The following GCN1 variants were observed in gnomAD, a reference collection of about 807,000 sequenced individuals.
GCN1 encodes the protein GCN1 activator of EIF2AK4, also known as stalled ribosome sensor GCN1.
In GCN1, 90 loss-of-function variants were observed where a neutral mutation model predicts 288.4. The observed-to-expected ratio is 0.31, with a 90% CI of 0.26 to 0.37. The LOEUF (loss-of-function observed/expected upper bound fraction) is 0.37. Ranked by LOEUF, GCN1 falls within the 10% of genes least tolerant of loss-of-function variation. The probability of loss-of-function intolerance (pLI) is 1.00; values close to 1 mark genes in which losing one functional copy is unlikely to be tolerated. For synonymous variants in GCN1, 1,386 were observed against 1,420.2 expected (o/e 0.98, Z 0.54); for missense variants, 2,586 against 3,419.9 (o/e 0.76, Z 6.08).
chr12:120,130,639 C>G lies in GCN1; in HGVS notation c.7671+7G>C. On this transcript the variant is annotated splice_region_variant and intron_variant, in intron 56 of 57. Coordinates refer to ENST00000300648, the MANE Select transcript of GCN1 (RefSeq NM_006836.2). The stretch of plus-strand genomic sequence containing the variant: ...AGGGCTTAAACACATGCTTGGCCCC[C>G]ACTCACCTTAACGAACAGGCTGGAA... 1 of 1,589,428 alleles carries G rather than the reference C, an allele frequency of 6.3e-7. No individual in the cohort carries two copies. The highest frequency in any genetic ancestry group is 8.6e-7 in the Non-Finnish European group (1 of 1,157,584).
At position 120,173,886 on chromosome 12, in the gene GCN1, CA is replaced by C. The variant is rs1878387297; in HGVS notation, c.1193-61del. On this transcript the variant is annotated intron_variant, in intron 13 of 57. Transcript: ENST00000300648. ...GTCTTATAACCATGTCAAATCATTG[CA>C]AGCAGTGCAAAAAACAAGCCAGAGT... is the stretch of plus-strand genomic sequence containing the variant. The C allele has an allele frequency of 4.9e-6, 7 of 1,436,518 alleles. No individual in the cohort carries two copies. In the East Asian group the frequency reaches 1.4e-4, roughly 28 times the overall value. 89.0% of individuals were successfully genotyped at this position (1,436,518 alleles called of 1,614,324 possible).
intron 9 of GCN1, 32 bp downstream of exon 9, chr12:120,177,415 C>T (rs763426769): frequency 1.8e-6 from 2 of 1,100,276 alleles, no homozygotes; most frequent in African/African-American, 1.5e-5. Context: ...CAACTCATCT[C>T]CCTCCCACCA....
chr12:120,152,960 T>TA (rs147790199), intron 33 of GCN1, among the ~76,000 whole-genome samples: 3,774 of 152,092 alleles, frequency 0.025, 160 homozygotes, highest in African/African-American at 0.085. Context: ...TTCTTCACTA[T>TA]AAACCAGGTG....
chr12:120,159,011 C>CAA (rs56356587), intron 24 of GCN1, among the ~76,000 whole-genome samples: 10 of 114,024 alleles, frequency 8.8e-5, no homozygotes, highest in Non-Finnish European at 9.5e-5. Flanking sequence ...GACTCCGTCT[C>CAA]AAAAAAAAAA....
At position 120,156,361 on chromosome 12, in the gene GCN1, C is replaced by G. The variant is rs1462272650; in HGVS notation, c.3312+100G>C. The G allele has an allele frequency of 5.7e-6, 7 of 1,222,672 alleles. No individual in the cohort carries two copies. In the East Asian group the frequency reaches 1.7e-4, roughly 29 times the overall value. The allele number at this position is 1,222,672 out of a possible 1,614,324, so 75.7% of individuals were successfully genotyped here. ...CTTCTTCTCTTTGCCTCTAGGCCTC[C>G]CACCAGAGTGAGGGACATTCTCTCA... On this transcript the variant is annotated intron_variant, in intron 28 of 57. Transcript: ENST00000300648. The surrounding 1 kb of genome is among the most constrained non-coding windows in gnomAD (Gnocchi z 5.8).
chr12:120,181,082 G>C (rs1878641925), intron 5 of GCN1, among the ~76,000 whole-genome samples: 1 of 151,984 alleles, frequency 6.6e-6, no homozygotes, highest in Admixed American at 6.6e-5. Flanking sequence ...TATACAAAAT[G>C]GCATATGTAC....
In GCN1 at chr12:120,176,118, G is replaced by C. The variant is rs115665904; in HGVS notation, c.913+25C>G. 5.8e-4 allele frequency: 890 copies of C among 1,543,064 alleles called. 5 individuals carry two copies. In the African/African-American group the frequency reaches 0.011, roughly 19 times the overall value. ...ACCAAACCCAAGGTGACACTTATGG[G>C]CTGGAGAGGGGCTGGGATACTCACC... On this transcript the variant is annotated intron_variant, in intron 10 of 57. Transcript: ENST00000300648.
intron 34 of GCN1, among the ~76,000 whole-genome samples, chr12:120,150,781 C>T (rs1363783173): frequency 1.3e-5 from 2 of 151,202 alleles, no homozygotes; most frequent in African/African-American, 4.9e-5. Flanking sequence ...ACTAAAAATA[C>T]AAAAAATTAG....
chr12:120,153,885 G>C lies in GCN1; in HGVS notation c.3726C>G (p.Asn1242Lys), dbSNP rs200153278. The C allele has an allele frequency of 2.1e-4, 344 of 1,613,902 alleles. 4 individuals are homozygous for C. Among genetic ancestry groups the C allele is most frequent in the Admixed American group, 1.2e-4 (7 of 59,992 alleles). ...AGCTGTCCAAATACTGGGAGAGCTT[G>C]TTGAGGGCCAACGCCAAGCCACACC... ...EARCGLALAL[N>K]KLSQYLDSSQ... The change falls in exon 32 of 58, where the codon AAC becomes AAG. Residue 1242 changes from asparagine to lysine, a missense_variant. By Grantham distance (94) the Asn-to-Lys change is moderately conservative. This residue lies in a region of GCN1 where 332 missense variants were observed against 403.0 expected (regional missense o/e 0.82). Coordinates refer to ENST00000300648, the MANE Select transcript of GCN1 (RefSeq NM_006836.2). The surrounding 1 kb of genome is among the most constrained non-coding windows in gnomAD (Gnocchi z 4.4).
At chr12:120,132,591 G>A (rs1231047590) in intron 53 of GCN1, among the ~76,000 whole-genome samples, 1 of 152,144 alleles carries the variant, frequency 6.6e-6, no homozygotes, top group Non-Finnish European at 1.5e-5. Context: ...TCAAACTAAA[G>A]CCACTAATCA....
At position 120,164,436 on chromosome 12, in the gene GCN1, T is replaced by A. The variant is rs771617256; in HGVS notation, c.1748A>T (p.Gln583Leu). 65 of 1,614,000 alleles carry A rather than the reference T, an allele frequency of 4.0e-5. No homozygotes were observed. Among genetic ancestry groups the A allele is most frequent in the Non-Finnish European group, 5.3e-5 (62 of 1,179,984 alleles). Residue 583 changes from glutamine (Q) to leucine (L), a missense_variant, in exon 18 of 58, where the codon CAG becomes CTG. This residue lies in a region of GCN1 where 913 missense variants were observed against 1,107.0 expected (regional missense o/e 0.82). Coordinates refer to ENST00000300648, the MANE Select transcript of GCN1 (RefSeq NM_006836.2). The part of the protein sequence containing the change: ...LLSRTWHVRR[Q>L]AQQTVRKLLS... ...CAGCTTCCGAACTGTCTGCTGAGCC[T>A]GCCTGCGGACGTGCCAGGTGCGGCT...
Position 120,136,586 on chromosome 12 carries a change from G to A in GCN1, c.6924C>T (p.Gly2308=). The change falls in exon 51 of 58, where the codon GGC becomes GGT. Residue 2308 remains glycine (G), a synonymous_variant. Transcript: ENST00000300648. ...TGTCCCCCAGGATGCGGATCAGAGGGCCAGTGATGCTGACCACGGAGGGCC... is the reference window on the plus strand; with the variant it reads ...TGTCCCCCAGGATGCGGATCAGAGGACCAGTGATGCTGACCACGGAGGGCC... The part of the protein sequence containing the change: ...ALRPSVVSIT[G]PLIRILGDRF... The A allele has an allele frequency of 6.2e-7, 1 of 1,614,204 alleles. No individual in the cohort carries two copies. The highest frequency in any genetic ancestry group is 8.5e-7 in the Non-Finnish European group (1 of 1,180,026).
rs1877541648 is a variant in GCN1 at position 120,151,226 on chromosome 12, T to C, written c.4228A>G (p.Ile1410Val). The C allele has an allele frequency of 6.2e-7, 1 of 1,614,056 alleles. No homozygotes were observed. The highest frequency in any genetic ancestry group is 8.5e-7 in the Non-Finnish European group (1 of 1,180,022). The change falls in exon 34 of 58, where the codon ATC (isoleucine) becomes GTC (valine). Residue 1410 changes from isoleucine to valine, a missense_variant. Around this residue, in one of 8 missense-constraint regions of GCN1, gnomAD observed 371 missense variants for 572.6 expected, o/e 0.65. Transcript: ENST00000300648. ...ATCTCCTGTTGCTTCAGCGAGAGGA[T>C]GCCCAGGCCCTTCACCAGGCCCGCC... ...GLAGLVKGLG[I>V]LSLKQQEMMA...
chr12:120,134,846 G>C lies in GCN1; in HGVS notation c.7009-120C>G. 1.2e-5 allele frequency: 10 copies of C among 838,664 alleles called. No individual in the cohort carries two copies. The highest frequency in any genetic ancestry group is 1.9e-5 in the Non-Finnish European group (10 of 518,404). The allele number at this position is 838,664 out of a possible 1,614,324, so 52.0% of individuals were successfully genotyped here. A position where few individuals can be genotyped will look rare whatever the true frequency, so the allele number is the denominator to read the frequency against. ...CCACAGCGAGTCCAGCTCTCATACA[G>C]GGCTGGGGACAGATAGCCCGTCAGA... On this transcript the variant is annotated intron_variant, in intron 51 of 57. Coordinates refer to ENST00000300648, the MANE Select transcript of GCN1 (RefSeq NM_006836.2). The surrounding 1 kb of genome is among the most constrained non-coding windows in gnomAD (Gnocchi z 5.0).
Position 120,164,326 on chromosome 12 carries a change from A to G in GCN1, c.1848+10T>C, listed in dbSNP as rs1878031057. ...CAAGAGCCCCAGTTCTAGAGCCCAG[A>G]TGCCCTCACCTTGTGAGAACTGAGG... is the stretch of plus-strand genomic sequence containing the variant. On this transcript the variant is annotated intron_variant, in intron 18 of 57. Coordinates refer to ENST00000300648, the MANE Select transcript of GCN1 (RefSeq NM_006836.2). 6.2e-7 allele frequency: 1 copy of G among 1,609,762 alleles called. No individual in the cohort carries two copies. Among genetic ancestry groups the G allele is most frequent in the East Asian group, 2.2e-5 (1 of 44,808 alleles).
chr12:120,129,270 TC>T lies in GCN1; in HGVS notation c.7890+5del. ...CACATCCTGGTGAGGCCCCCCAGGC[TC>T]CCACCTGAAACACCTCTTCACCCTG... is the stretch of plus-strand genomic sequence containing the variant. On this transcript the variant is annotated splice_donor_5th_base_variant and intron_variant, in intron 57 of 57. Transcript: ENST00000300648. The T allele has an allele frequency of 6.2e-7, 1 of 1,606,682 alleles. No homozygotes were observed. Among genetic ancestry groups the T allele is most frequent in the Non-Finnish European group, 8.5e-7 (1 of 1,173,828 alleles).
chr12:120,149,313 G>A (rs1178910053), intron 36 of GCN1, among the ~76,000 whole-genome samples: 1 of 151,974 alleles, frequency 6.6e-6, no homozygotes, highest in Non-Finnish European at 1.5e-5. Flanking sequence ...CTTGAACCCA[G>A]GAATTCAAGG....
At chr12:120,128,027 G>A (rs1876674951) in intron 57 of GCN1, 53 bp from the exon 58 acceptor site, 15 of 1,592,444 alleles carry the variant, frequency 9.4e-6, no homozygotes, top group Middle Eastern at 1.7e-4. Flanking sequence ...CGGCTGCCAC[G>A]TTCTCCAATT....
In GCN1 at chr12:120,185,757, C is replaced by T. The variant is rs191065898; in HGVS notation, c.122-870G>A. The stretch of plus-strand genomic sequence containing the variant: ...CTGAGACTAAAGGTGCGCACCACCA[C>T]GCCCAGTTAATTTTTGTATTTTTAG... On this transcript the variant is annotated intron_variant, in intron 2 of 57. Transcript: ENST00000300648. Among the ~76,000 whole-genome samples the T allele has an allele frequency of 2.7e-3, 413 of 152,224 alleles. 2 individuals are homozygous for T. Among genetic ancestry groups the T allele is most frequent in the South Asian group, 8.5e-3 (41 of 4,824 alleles).
Sources: allele counts gnomAD v4.1 joint callset (sites outside exome capture counted in the v4.1 genomes callset), GRCh38; gene constraint gnomAD v4.1.1; regional missense constraint gnomAD v4.1.1; non-coding constraint Gnocchi (gnomAD v3.1); transcripts MANE v1.5; gene names NCBI Gene and HGNC (gene_info 2026-07-23, HGNC 2026-07-21).